The following WASHC3 variants were observed in gnomAD, a reference collection of about 807,000 sequenced individuals.
The protein encoded by WASHC3 is WASH complex subunit CCDC53.
Under a neutral mutation model 26.1 loss-of-function variants are expected in WASHC3, and 24 were observed. The observed-to-expected ratio is 0.92, with a 90% confidence interval of 0.66 to 1.29. WASHC3 has a LOEUF of 1.29. Ranked by LOEUF, WASHC3 falls within the 50% of genes most tolerant of loss-of-function variation. The probability of loss-of-function intolerance (pLI) is 0.00; values close to 1 mark genes in which losing one functional copy is unlikely to be tolerated. For synonymous variants in WASHC3, 77 were observed against 75.7 expected (o/e 1.02, Z -0.09); for missense variants, 214 against 229.6 (o/e 0.93, Z 0.44).
chr12:102,044,168 A>G lies in WASHC3; in HGVS notation c.261T>C (p.Ser87=). 1 of 1,610,494 alleles carries G rather than the reference A, an allele frequency of 6.2e-7. No homozygotes were observed. The highest frequency in any genetic ancestry group is 8.5e-7 in the Non-Finnish European group (1 of 1,178,062). The change falls in exon 4 of 7, where the codon TCT becomes TCC. Residue 87 remains serine, a synonymous_variant. Coordinates refer to ENST00000240079, the MANE Select transcript of WASHC3 (RefSeq NM_016053.4). ...PGLDDVTVEV[S]PLNVTSVTNG... ...TTGTGACACTGGTGACATTTAAAGG[A>G]GATACTTCAACTGTGACATCATCTA...
chr12:102,034,000 G>C (rs1877545732), intron 5 of WASHC3, among the ~76,000 whole-genome samples: 1 of 151,994 alleles, frequency 6.6e-6, no homozygotes, highest in Non-Finnish European at 1.5e-5. Context: ...CCCTAAAGTT[G>C]AGAAAAATTA....
intron 5 of WASHC3, among the ~76,000 whole-genome samples, chr12:102,033,402 T>G (rs1196370937): frequency 6.6e-6 from 1 of 152,030 alleles, no homozygotes; most frequent in African/African-American, 2.4e-5. Flanking sequence ...ATTAAAATAG[T>G]AGGAGAAATG....
chr12:102,022,919 C>G (rs1565811601), intron 6 of WASHC3, among the ~76,000 whole-genome samples: 2 of 151,440 alleles, frequency 1.3e-5, no homozygotes, highest in Non-Finnish European at 2.9e-5. Context: ...CCCCTTAACT[C>G]TTTTGAGTAT....
chr12:102,060,956 C>CAAA (rs56001519), intron 2 of WASHC3, among the ~76,000 whole-genome samples: 2,616 of 55,588 alleles, frequency 0.047, 288 homozygotes, highest in African/African-American at 0.11. Context: ...CCCTGTCTCA[C>CAAA]AAAAAAAAAA....
chr12:102,056,471 C>T (rs1565822197), intron 2 of WASHC3, among the ~76,000 whole-genome samples: 3 of 152,120 alleles, frequency 2.0e-5, no homozygotes, highest in Admixed American at 1.3e-4. Flanking sequence ...TGGAGTGATT[C>T]TATATCTTGT....
At chr12:102,030,538 GAA>G (rs1320605505) in intron 5 of WASHC3, among the ~76,000 whole-genome samples, 1 of 151,932 alleles carries the variant, frequency 6.6e-6, no homozygotes, top group Non-Finnish European at 1.5e-5. Context: ...AAAAAAAATG[GAA>G]ACTTTATTTC....
At chr12:102,044,297 G>GACA in intron 3 of WASHC3, 85 bp from the exon 4 acceptor site, 1 of 551,826 alleles carries the variant, frequency 1.8e-6, no homozygotes, top group Non-Finnish European at 3.1e-6. Flanking sequence ...TAAGTTTTAA[G>GACA]GCTATACAAA....
chr12:102,022,280 C>A (rs940882200), intron 6 of WASHC3, among the ~76,000 whole-genome samples: 4 of 152,152 alleles, frequency 2.6e-5, no homozygotes, highest in African/African-American at 9.7e-5. Flanking sequence ...TAGGCAACTA[C>A]AGGATTATAA....
chr12:102,061,877 G>T, intron 1 of WASHC3, 35 bp downstream of exon 1: 1 of 1,558,892 alleles, frequency 6.4e-7, no homozygotes, highest in Admixed American at 1.9e-5. Flanking sequence ...TCCTCCTCCC[G>T]GCTCGTCGGG....
chr12:102,059,126 C>T (rs1302482691), intron 2 of WASHC3, among the ~76,000 whole-genome samples: 4 of 152,072 alleles, frequency 2.6e-5, no homozygotes, highest in South Asian at 2.1e-4. Flanking sequence ...AGATCTCCTA[C>T]ATGTCATGGT....
At chr12:102,054,699 C>T (rs928063958) in intron 2 of WASHC3, among the ~76,000 whole-genome samples, 10 of 151,956 alleles carry the variant, frequency 6.6e-5, no homozygotes, top group African/African-American at 2.2e-4. Flanking sequence ...AGACTGAAAT[C>T]GTATCAAGTA....
At chr12:102,017,694 G>C (rs1876767574) in intron 6 of WASHC3, 1 of 352,010 alleles carries the variant, frequency 2.8e-6, no homozygotes, top group African/African-American at 2.2e-5. Context: ...CTTTTCCACA[G>C]CAGCTGTACC....
rs56984232 is a variant in WASHC3 at position 102,045,304 on chromosome 12, C to T, written c.216+750G>A. 3.2e-3 allele frequency among the ~76,000 whole-genome samples: 493 copies of T among 152,072 alleles called. 2 individuals are homozygous for T. The highest frequency in any genetic ancestry group is 0.011 in the African/African-American group (459 of 41,506). On this transcript the variant is annotated intron_variant, in intron 3 of 6. Coordinates refer to ENST00000240079, the MANE Select transcript of WASHC3 (RefSeq NM_016053.4). The stretch of plus-strand genomic sequence containing the variant: ...TAAGAGAAACACAGTTGCTGAAGTC[C>T]ATAAAGAGACGTAGAAAGTACAAAC...
At chr12:102,044,052 A>T in intron 4 of WASHC3, 53 bp downstream of exon 4, 1 of 844,876 alleles carries the variant, frequency 1.2e-6, no homozygotes, top group Non-Finnish European at 1.9e-6. Context: ...CCTGCTGCTT[A>T]ACACTATCAG....
At chr12:102,017,692 CAGCAGCTGTACCATTTT>C in intron 6 of WASHC3, 1 of 350,106 alleles carries the variant, frequency 2.9e-6, no homozygotes, top group South Asian at 2.3e-5. Context: ...AACTTTTCCA[CAGCAGCTGTACCATTTT>C]ACATTTGTAC....
In WASHC3 at chr12:102,061,986, G is replaced by T; in HGVS notation, c.-24C>A. On this transcript the variant is annotated 5_prime_UTR_variant, in exon 1 of 7. Transcript: ENST00000240079. ...ATCTCCTCAGCGGGCGGTGGACCCC[G>T]AGTTCACCCACAAACCCCTCCCAGA... is the stretch of plus-strand genomic sequence containing the variant. 4 of 1,583,670 alleles carry T rather than the reference G, an allele frequency of 2.5e-6. No individual in the cohort carries two copies. The South Asian group carries it at 4.6e-5, about 18-fold the overall frequency.
intron 6 of WASHC3, chr12:102,017,783 AT>A (rs1378860492): frequency 5.0e-5 from 22 of 436,864 alleles, no homozygotes; most frequent in Admixed American, 2.6e-4. Flanking sequence ...GTCTGTCTTC[AT>A]TTTTTTCTTT....
intron 2 of WASHC3, among the ~76,000 whole-genome samples, chr12:102,051,202 C>T (rs1224021602): frequency 6.6e-6 from 1 of 152,220 alleles, no homozygotes; most frequent in Non-Finnish European, 1.5e-5. Context: ...TTGGTTCAAA[C>T]CAGATCCTGT....
chr12:102,049,350 TCTCAC>T (rs1878297337), intron 2 of WASHC3, among the ~76,000 whole-genome samples: 1 of 152,236 alleles, frequency 6.6e-6, no homozygotes, highest in Admixed American at 6.5e-5. Context: ...CAGTAGCTGT[TCTCAC>T]CTCTGAAAGT....
Sources: allele counts gnomAD v4.1 joint callset (sites outside exome capture counted in the v4.1 genomes callset), GRCh38; gene constraint gnomAD v4.1.1; transcripts MANE v1.5; gene names NCBI Gene and HGNC (gene_info 2026-07-23, HGNC 2026-07-21).